Variants in ANKDD1B observed in about 807,000 individuals in gnomAD.
The protein encoded by ANKDD1B is ankyrin repeat and death domain containing 1B, also known as ankyrin repeat and death domain-containing protein 1B.
ANKDD1B carries 57 observed loss-of-function variants against 59.7 expected under a neutral mutation model. The ratio of observed to expected loss-of-function variants is 0.95; its 90% CI spans 0.77 to 1.19. ANKDD1B has a LOEUF of 1.19. Ranked by LOEUF, ANKDD1B falls within the 50% of genes most tolerant of loss-of-function variation. ANKDD1B has a pLI of 0.00. For synonymous variants in ANKDD1B, 216 were observed against 239.5 expected (o/e 0.90, Z 0.91); for missense variants, 602 against 641.9 (o/e 0.94, Z 0.67).
chr5:75,612,749 G>A (rs1773606106), intron 1 of ANKDD1B, among the ~76,000 whole-genome samples: 2 of 152,146 alleles, frequency 1.3e-5, no homozygotes, highest in South Asian at 4.1e-4. Context: ...GTGCAGTGAA[G>A]GCCATGAGAC....
At chr5:75,640,355 T>C (rs1450699385) in intron 7 of ANKDD1B, among the ~76,000 whole-genome samples, 1 of 152,196 alleles carries the variant, frequency 6.6e-6, no homozygotes, top group Non-Finnish European at 1.5e-5. Flanking sequence ...CTTTGACACT[T>C]TTCAGCTGAG....
At chr5:75,636,707 G>A (rs1478059870) in intron 7 of ANKDD1B, among the ~76,000 whole-genome samples, 1 of 152,170 alleles carries the variant, frequency 6.6e-6, no homozygotes, top group South Asian at 2.1e-4. Context: ...ACCTATGGAA[G>A]GCTTCTCACT....
chr5:75,655,968 T>G, intron 8 of ANKDD1B, 61 bp from the exon 9 acceptor site: 1 of 770,640 alleles, frequency 1.3e-6, no homozygotes, highest in African/African-American at 1.8e-5. Context: ...ATGAGTTGCT[T>G]TTTGATTTGA....
chr5:75,614,570 C>T (rs979612538), intron 1 of ANKDD1B, among the ~76,000 whole-genome samples: 6 of 152,162 alleles, frequency 3.9e-5, no homozygotes, highest in Non-Finnish European at 7.4e-5. Context: ...CATCTTGTAA[C>T]CCCTTCATTT....
At chr5:75,657,398 C>G (rs1775004684) in intron 9 of ANKDD1B, among the ~76,000 whole-genome samples, 2 of 151,360 alleles carry the variant, frequency 1.3e-5, no homozygotes, top group Non-Finnish European at 2.9e-5. Flanking sequence ...GTTTGAAGTC[C>G]CCAGCAAAGA....
chr5:75,659,141 G>A, intron 9 of ANKDD1B, 142 bp from the exon 10 acceptor site: 1 of 605,954 alleles, frequency 1.7e-6, no homozygotes, highest in South Asian at 2.1e-5. Context: ...TTTCACTATT[G>A]CAAATAATAA....
At chr5:75,639,640 C>G (rs1774411448) in intron 7 of ANKDD1B, among the ~76,000 whole-genome samples, 1 of 152,172 alleles carries the variant, frequency 6.6e-6, no homozygotes, top group Non-Finnish European at 1.5e-5. Context: ...ACCTAATTAG[C>G]TATGAGTAAA....
rs1311819430 is a variant in ANKDD1B, at chr5:75,619,838, A to G, written c.298-477A>G. On this transcript the variant is annotated intron_variant, in intron 2 of 13. Coordinates refer to ENST00000601380, the MANE Select transcript of ANKDD1B (RefSeq NM_001276713.2). The stretch of plus-strand genomic sequence containing the variant: ...CCTTCCTCCCTTCCTTCTTCCTTTC[A>G]GAAGGAATTTATTTGCTTCAGTAAA... Among the ~76,000 whole-genome samples the G allele has an allele frequency of 2.0e-5, 3 of 151,958 alleles. No homozygotes were observed. The East Asian group carries it at 5.8e-4, about 29-fold the overall frequency.
chr5:75,650,084 G>C (rs1009154117), intron 7 of ANKDD1B, among the ~76,000 whole-genome samples: 2 of 152,192 alleles, frequency 1.3e-5, no homozygotes, highest in African/African-American at 2.4e-5. Context: ...GAGAAAGAAG[G>C]GGGTGATGTG....
intron 3 of ANKDD1B, among the ~76,000 whole-genome samples, chr5:75,621,181 C>T (rs1773837990): frequency 6.6e-6 from 1 of 152,110 alleles, no homozygotes; most frequent in African/African-American, 2.4e-5. Context: ...GGGGCAGGGC[C>T]AGTAGAGAAA....
chr5:75,616,745 A>G, intron 1 of ANKDD1B, 59 bp from the exon 2 acceptor site: 1 of 753,392 alleles, frequency 1.3e-6, no homozygotes, highest in African/African-American at 1.7e-5. Flanking sequence ...CCTATGAAAT[A>G]TGCTTTCTCT....
At chr5:75,642,655 C>T (rs1425606951) in intron 7 of ANKDD1B, among the ~76,000 whole-genome samples, 2 of 118,892 alleles carry the variant, frequency 1.7e-5, no homozygotes, top group African/African-American at 9.4e-5. Context: ...TGCAAGGCGG[C>T]AGCGAGGCTG....
chr5:75,661,396 GAAAAAAAAAAAAA>G (rs11357068), intron 10 of ANKDD1B, among the ~76,000 whole-genome samples: 12 of 36,840 alleles, frequency 3.3e-4, no homozygotes, highest in African/African-American at 5.7e-4. Flanking sequence ...AACTCCGTCT[GAAAAAAAAAAAAA>G]AAAAAAAAAA....
rs1406250308 is a variant in ANKDD1B, at chr5:75,656,053, G to A, written c.922G>A (p.Val308Ile). The change falls in exon 9 of 14, where the codon GTT becomes ATT. Residue 308 changes from valine to isoleucine, a missense_variant. Val to Ile is a conservative substitution (Grantham distance 29). Transcript: ENST00000601380. Reference sequence around the variant, plus strand: ...GCCTAAGGAGTCCCCTCTTCATTTAGTTGTTATCAACAACCACATCACGGT... The same window carrying A: ...GCCTAAGGAGTCCCCTCTTCATTTAATTGTTATCAACAACCACATCACGGT... The part of the protein sequence containing the change: ...VEPKESPLHL[V>I]VINNHITVVN... 1.3e-6 allele frequency: 2 copies of A among 1,514,782 alleles called. No homozygotes were observed. The highest frequency in any genetic ancestry group is 8.9e-7 in the Non-Finnish European group (1 of 1,128,006). The allele number at this position is 1,514,782 out of a possible 1,614,324, so 93.8% of individuals were successfully genotyped here. A position where few individuals can be genotyped will look rare whatever the true frequency, so the allele number is the denominator to read the frequency against.
At chr5:75,667,108 C>A in intron 12 of ANKDD1B, 115 bp downstream of exon 12, 1 of 629,818 alleles carries the variant, frequency 1.6e-6, no homozygotes, top group Non-Finnish European at 2.5e-6. Flanking sequence ...CTGCAGTCTT[C>A]AAGGGGCCCA....
chr5:75,611,927 G>T, intron 1 of ANKDD1B, 100 bp downstream of exon 1: 1 of 1,019,268 alleles, frequency 9.8e-7, no homozygotes, highest in African/African-American at 1.7e-5. Flanking sequence ...GACGCTGCAG[G>T]AGGGAAACTG....
chr5:75,625,885 G>A lies in ANKDD1B; in HGVS notation c.530G>A (p.Ser177Asn). The A allele has an allele frequency of 1.3e-6, 2 of 1,536,306 alleles. No individual in the cohort carries two copies. Among genetic ancestry groups the A allele is most frequent in the Non-Finnish European group, 1.7e-6 (2 of 1,146,928 alleles). ...AGCGCCCTCCACTTTGCCACTCAGA[G>A]CAATCATGTGCGCATCGTGGAGTAT... The part of the protein sequence containing the change: ...GMSALHFATQ[S>N]NHVRIVEYLI... Residue 177 changes from serine to asparagine, a missense_variant, in exon 5 of 14, where the codon AGC (serine) becomes AAC (asparagine). Around this residue, in one of 3 missense-constraint regions of ANKDD1B, gnomAD observed 317 missense variants for 304.6 expected, o/e 1.04. Transcript: ENST00000601380.
intron 5 of ANKDD1B, among the ~76,000 whole-genome samples, chr5:75,629,588 C>G (rs1774092604): frequency 6.6e-6 from 1 of 151,600 alleles, no homozygotes; most frequent in Non-Finnish European, 1.5e-5. Flanking sequence ...ATAAACAATC[C>G]CAATCCCTCA....
intron 11 of ANKDD1B, among the ~76,000 whole-genome samples, chr5:75,666,586 G>A (rs555459745): frequency 3.3e-5 from 5 of 151,042 alleles, no homozygotes; most frequent in East Asian, 3.9e-4. Flanking sequence ...TCAGACAGAC[G>A]GTACCCAAGC....
Sources: allele counts gnomAD v4.1 joint callset (sites outside exome capture counted in the v4.1 genomes callset), GRCh38; gene constraint gnomAD v4.1.1; regional missense constraint gnomAD v4.1.1; transcripts MANE v1.5; gene names NCBI Gene and HGNC (gene_info 2026-07-23, HGNC 2026-07-21).